Variants in ROBO1 observed in about 807,000 individuals in gnomAD.
ROBO1 encodes roundabout guidance receptor 1, also known as roundabout homolog 1.
A neutral mutation model predicts 195.9 loss-of-function variants in ROBO1; 149 were observed. The ratio of observed to expected loss-of-function variants is 0.76; its 90% CI spans 0.67 to 0.87. The LOEUF is 0.87. ROBO1 is among the 40% of genes least tolerant of loss of function. ROBO1 has a pLI of 0.00. For missense variants in ROBO1, 1,933 were observed against 2,068.3 expected (o/e 0.93, Z 1.27); for synonymous variants, 816 against 733.2 (o/e 1.11, Z -1.82).
At chr3:78,599,612 C>T (rs1031078171) in intron 30 of ROBO1, among the ~76,000 whole-genome samples, 4 of 146,870 alleles carry the variant, frequency 2.7e-5, no homozygotes, top group Non-Finnish European at 4.5e-5. Flanking sequence ...ATATCTTTGA[C>T]GTAAGAAGTT....
intron 27 of ROBO1, among the ~76,000 whole-genome samples, chr3:78,616,755 A>G (rs1165756025): frequency 6.6e-6 from 1 of 152,170 alleles, no homozygotes; most frequent in East Asian, 1.9e-4. Flanking sequence ...AAATATAAAC[A>G]CACAAAAATA....
intron 1 of ROBO1, among the ~76,000 whole-genome samples, chr3:79,709,600 A>G (rs1029397965): frequency 2.0e-5 from 3 of 152,172 alleles, no homozygotes; most frequent in African/African-American, 7.2e-5. Context: ...TAAACTATCA[A>G]TGGGTCAGAC....
chr3:79,040,867 G>C (rs963728344), intron 3 of ROBO1, among the ~76,000 whole-genome samples: 3 of 151,052 alleles, frequency 2.0e-5, no homozygotes, highest in African/African-American at 7.3e-5. Flanking sequence ...AACTGCTTAC[G>C]AAAAAAAAAT....
intron 1 of ROBO1, among the ~76,000 whole-genome samples, chr3:79,678,656 T>C (rs1021517126): frequency 5.3e-5 from 8 of 152,092 alleles, no homozygotes; most frequent in African/African-American, 1.9e-4. Context: ...AATATCTTAG[T>C]AGGAGTTTCT....
intron 4 of ROBO1, among the ~76,000 whole-genome samples, chr3:78,909,736 A>G (rs139783214): frequency 2.0e-5 from 3 of 151,924 alleles, no homozygotes; most frequent in African/African-American, 7.2e-5. Flanking sequence ...TGTCAAAGAT[A>G]AAAGAGCAAT....
rs1474003348 is a variant in ROBO1, at chr3:79,756,736, T to A, written c.-51+11016A>T. ...GTGCATTCAAATTGTTGTGCAATCA[T>A]CACCACAATCCATCTCCTTAATGTT... On this transcript the variant is annotated intron_variant, in intron 1 of 30. Transcript: ENST00000464233. 2.6e-5 allele frequency among the ~76,000 whole-genome samples: 4 copies of A among 152,130 alleles called. No individual in the cohort carries two copies. In the South Asian group the frequency reaches 8.3e-4, roughly 32 times the overall value.
At chr3:78,704,678 A>G (rs1202436353) in intron 8 of ROBO1, among the ~76,000 whole-genome samples, 1 of 151,268 alleles carries the variant, frequency 6.6e-6, no homozygotes, top group Non-Finnish European at 1.5e-5. Flanking sequence ...AAAAAAAAAA[A>G]AAAAGGAAAG....
chr3:78,712,508 G>T (rs1023130805), intron 8 of ROBO1, among the ~76,000 whole-genome samples: 5 of 151,940 alleles, frequency 3.3e-5, no homozygotes, highest in African/African-American at 1.2e-4. Flanking sequence ...TGGGAATCAT[G>T]TTACTTTCTT....
chr3:79,237,906 G>A (rs2082443422), intron 2 of ROBO1, among the ~76,000 whole-genome samples: 1 of 152,118 alleles, frequency 6.6e-6, no homozygotes, highest in South Asian at 2.1e-4. Context: ...TATTGTAAAG[G>A]TAGAGCCACA....
chr3:78,749,207 T>G (rs552103250), intron 4 of ROBO1, among the ~76,000 whole-genome samples: 2 of 152,222 alleles, frequency 1.3e-5, no homozygotes, highest in South Asian at 4.1e-4. Context: ...TAAAATACTT[T>G]TCAAATAAAA....
intron 2 of ROBO1, among the ~76,000 whole-genome samples, chr3:79,279,382 A>G (rs1040857153): frequency 2.0e-5 from 3 of 152,216 alleles, no homozygotes; most frequent in Non-Finnish European, 1.5e-5. Context: ...CCAATGATTA[A>G]TTAACATCAC....
intron 2 of ROBO1, among the ~76,000 whole-genome samples, chr3:79,224,397 C>T (rs556318607): frequency 2.6e-5 from 4 of 152,300 alleles, no homozygotes; most frequent in African/African-American, 4.8e-5. Flanking sequence ...CACTCAGCTG[C>T]AAACTCAGGC....
intron 2 of ROBO1, among the ~76,000 whole-genome samples, chr3:79,488,371 C>T (rs560167440): frequency 6.6e-6 from 1 of 152,188 alleles, no homozygotes; most frequent in Admixed American, 6.5e-5. Context: ...TTTAATGGGT[C>T]ATAACAAATT....
chr3:79,016,033 C>T lies in ROBO1; in HGVS notation c.173-77106G>A, dbSNP rs148661379. On this transcript the variant is annotated intron_variant, in intron 3 of 30. Transcript: ENST00000464233. ...GCTCACCACATTTCTCTTAAATACA[C>T]TCCATTAACAAGTGATAGACTGTGA... Among the ~76,000 whole-genome samples the T allele has an allele frequency of 5.6e-4, 85 of 152,318 alleles. 1 individual carries two copies. The highest frequency in any genetic ancestry group is 2.0e-3 in the African/African-American group (83 of 41,574).
intron 5 of ROBO1, among the ~76,000 whole-genome samples, chr3:78,739,985 T>C (rs1465332608): frequency 2.6e-5 from 4 of 152,180 alleles, no homozygotes; most frequent in Admixed American, 2.0e-4. Context: ...AGTGCCCCCT[T>C]GGTTGCCCTC....
chr3:79,170,700 A>C (rs989658736), intron 2 of ROBO1, among the ~76,000 whole-genome samples: 1 of 152,096 alleles, frequency 6.6e-6, no homozygotes, highest in Non-Finnish European at 1.5e-5. Context: ...CCAGTGAATT[A>C]GACAAGTTAT....
At chr3:79,025,988 A>G (rs2078196129) in intron 3 of ROBO1, among the ~76,000 whole-genome samples, 1 of 152,166 alleles carries the variant, frequency 6.6e-6, no homozygotes, top group Admixed American at 6.5e-5. Context: ...CTCTACCTTT[A>G]ACATCCTTAC....
chr3:78,859,898 G>A (rs2034687336), intron 4 of ROBO1, among the ~76,000 whole-genome samples: 1 of 152,120 alleles, frequency 6.6e-6, no homozygotes, highest in Non-Finnish European at 1.5e-5. Context: ...GGCTAACACG[G>A]TGAAACCCGT....
At chr3:79,474,562 A>G (rs1473671751) in intron 2 of ROBO1, among the ~76,000 whole-genome samples, 1 of 152,140 alleles carries the variant, frequency 6.6e-6, no homozygotes, top group Non-Finnish European at 1.5e-5. Flanking sequence ...AGGCAGCATT[A>G]GCTATTAAAA....
Sources: gnomAD v4.1 joint callset for allele counts (sites outside exome capture counted in the v4.1 genomes callset) on GRCh38, gnomAD v4.1.1 for gene constraint, MANE v1.5 for transcripts, NCBI Gene and HGNC (gene_info 2026-07-23, HGNC 2026-07-21) for gene names.